MSANTD7: variants seen among roughly 807,000 people sequenced by gnomAD.
The protein encoded by MSANTD7 is zinc finger and SCAN domain containing 29.
the MSANTD7 span, chr10:14,845,424 A>G: frequency 1.0e-6 from 1 of 985,268 alleles, no homozygotes; most frequent in Non-Finnish European, 1.2e-6. Context: ...CAGCAGTGGG[A>G]GCGTACCCAG....
chr10:14,846,104 C>A, the MSANTD7 span: 1 of 982,988 alleles, frequency 1.0e-6, no homozygotes, highest in Non-Finnish European at 1.2e-6. Flanking sequence ...TTCTAAGTGC[C>A]ACACCAGACA....
chr10:14,843,431 C>G, the MSANTD7 span: 7 of 1,550,822 alleles, frequency 4.5e-6, no homozygotes, highest in Admixed American at 1.4e-4. Context: ...GGTGCAGTTG[C>G]TCCCTGTCAG....
At chr10:14,843,690 C>T in the MSANTD7 span, 8 of 1,543,118 alleles carry the variant, frequency 5.2e-6, no homozygotes, top group Non-Finnish European at 3.5e-6. Context: ...CACGAGAACT[C>T]TCAAAGCGGG....
At chr10:14,842,678 G>C in the MSANTD7 span, 1 of 1,536,192 alleles carries the variant, frequency 6.5e-7, no homozygotes, top group African/African-American at 1.4e-5. This position sits in a 1 kb window ranked among gnomAD's most constrained non-coding sequence, Gnocchi z 5.2. Context: ...TGACGCCCCA[G>C]GGGAAGAGGG....
the MSANTD7 span, chr10:14,842,685 A>G: frequency 6.5e-7 from 1 of 1,536,354 alleles, no homozygotes; most frequent in Admixed American, 2.0e-5. The surrounding 1 kb of genome is among the most constrained non-coding windows in gnomAD (Gnocchi z 5.2). Context: ...CCAGGGGAAG[A>G]GGGAACCGGC....
chr10:14,840,191 A>T, the MSANTD7 span: 3 of 1,025,138 alleles, frequency 2.9e-6, no homozygotes, highest in Non-Finnish European at 2.7e-6. Flanking sequence ...AAATATGGTA[A>T]TAGGAACATG....
chr10:14,845,892 T>G, the MSANTD7 span: 9 of 450,452 alleles, frequency 2.0e-5, no homozygotes, highest in African/African-American at 2.1e-5. Flanking sequence ...TATCTCCGGA[T>G]TGAGGGATTT....
the MSANTD7 span, chr10:14,842,043 T>C: frequency 7.6e-6 from 7 of 921,600 alleles, no homozygotes; most frequent in African/African-American, 4.9e-5. The surrounding 1 kb of genome is among the most constrained non-coding windows in gnomAD (Gnocchi z 5.2). Context: ...CATGCCTGTT[T>C]ATGACCTACT....
chr10:14,838,591 C>G, the MSANTD7 span: 2 of 879,120 alleles, frequency 2.3e-6, no homozygotes, highest in East Asian at 2.9e-5. Flanking sequence ...CGCGAGGACA[C>G]TCCGGAGCGA....
the MSANTD7 span, among the ~76,000 whole-genome samples, chr10:14,841,539 C>T: frequency 6.6e-6 from 1 of 152,166 alleles, no homozygotes; most frequent in Non-Finnish European, 1.5e-5. Flanking sequence ...CCAAGATGCT[C>T]ACATCGATAT....
the MSANTD7 span, chr10:14,842,482 T>G: frequency 6.5e-7 from 1 of 1,536,170 alleles, no homozygotes; most frequent in South Asian, 1.2e-5. The surrounding 1 kb of genome is among the most constrained non-coding windows in gnomAD (Gnocchi z 5.2). Context: ...GCTCCAAGTT[T>G]AAAGTTCTGA....
At chr10:14,844,573 T>C in the MSANTD7 span, 1 of 985,566 alleles carries the variant, frequency 1.0e-6, no homozygotes, top group Admixed American at 6.1e-5. Context: ...AAGCACTGTT[T>C]TGTCAAACCG....
the MSANTD7 span, chr10:14,840,137 A>T: frequency 5.4e-6 from 8 of 1,469,170 alleles, no homozygotes; most frequent in Non-Finnish European, 6.4e-6. Context: ...TAATGAAAGT[A>T]AAGCAGATCC....
At chr10:14,846,297 T>C in the MSANTD7 span, 1 of 985,430 alleles carries the variant, frequency 1.0e-6, no homozygotes, top group African/African-American at 1.7e-5. Context: ...CTGTATTCTA[T>C]AAATCTATTA....
At chr10:14,843,270 G>A in the MSANTD7 span, 1 of 1,429,450 alleles carries the variant, frequency 7.0e-7, no homozygotes. Context: ...GGCTTTCCAG[G>A]AACAACCATA....
chr10:14,839,856 C>T, the MSANTD7 span: 7 of 1,384,404 alleles, frequency 5.1e-6, no homozygotes, highest in East Asian at 4.7e-5. Context: ...CAAATGCACA[C>T]GTCTGAATAC....
the MSANTD7 span, chr10:14,843,775 C>T: frequency 1.4e-5 from 21 of 1,536,200 alleles, no homozygotes; most frequent in South Asian, 1.2e-4. Flanking sequence ...CAATGAGCTC[C>T]GCAGGGATGC....
chr10:14,843,798 C>G, the MSANTD7 span: 2 of 1,536,288 alleles, frequency 1.3e-6, no homozygotes, highest in Admixed American at 3.9e-5. Context: ...TCATCGCAGT[C>G]AGACGTTTGG....
the MSANTD7 span, among the ~76,000 whole-genome samples, chr10:14,841,549 T>C: frequency 5.9e-5 from 9 of 152,180 alleles, no homozygotes; most frequent in Non-Finnish European, 8.8e-5. Flanking sequence ...CACATCGATA[T>C]AGTCCAGATA....
Sources: gnomAD v4.1 joint callset for allele counts (sites outside exome capture counted in the v4.1 genomes callset) on GRCh38, gnomAD v4.1.1 for gene constraint, Gnocchi (gnomAD v3.1) non-coding constraint, MANE v1.5 for transcripts, NCBI Gene and HGNC (gene_info 2026-07-23, HGNC 2026-07-21) for gene names.